HAAO: variants seen among roughly 807,000 people sequenced by gnomAD.
HAAO encodes 3-hydroxyanthranilate 3,4-dioxygenase, also known as 3-hydroxyanthranilate oxygenase.
In HAAO, 49 loss-of-function variants were observed where a neutral mutation model predicts 46.2. That is an observed-to-expected ratio of 1.06 (90% CI 0.84 to 1.34). The LOEUF is 1.34. HAAO is among the 40% of genes most tolerant of loss of function. The pLI, the probability that HAAO is intolerant of heterozygous loss-of-function variation, is 0.00. For synonymous variants in HAAO, 157 were observed against 145.2 expected (o/e 1.08, Z -0.58); for missense variants, 408 against 364.5 (o/e 1.12, Z -0.97).
intron 1 of HAAO, among the ~76,000 whole-genome samples, chr2:42,789,747 G>T (rs371611397): frequency 1.3e-5 from 2 of 152,084 alleles, no homozygotes; most frequent in African/African-American, 2.4e-5. Flanking sequence ...GGAACAAAAG[G>T]GTTCCCAAAC....
intron 4 of HAAO, among the ~76,000 whole-genome samples, chr2:42,780,457 C>T (rs1205244658): frequency 2.0e-5 from 3 of 151,800 alleles, no homozygotes; most frequent in Admixed American, 6.6e-5. Context: ...CCACCCGCCT[C>T]GGCTTCCCAA....
At chr2:42,782,449 T>C (rs1039332591) in intron 4 of HAAO, among the ~76,000 whole-genome samples, 10 of 152,206 alleles carry the variant, frequency 6.6e-5, no homozygotes, top group Admixed American at 5.2e-4. Flanking sequence ...ACTTGGGATC[T>C]ACCCGTCTAG....
intron 6 of HAAO, 101 bp downstream of exon 6, chr2:42,770,042 C>T (rs1396206061): frequency 2.5e-6 from 3 of 1,188,428 alleles, no homozygotes; most frequent in African/African-American, 1.5e-5. Flanking sequence ...GAGGACTGGG[C>T]AGAGTATTCA....
intron 4 of HAAO, among the ~76,000 whole-genome samples, chr2:42,775,531 T>G (rs1359231502): frequency 4.9e-5 from 3 of 60,706 alleles, no homozygotes; most frequent in South Asian, 1.2e-3. Flanking sequence ...ATCCAAGGGG[T>G]GTGTGTGTGT....
At chr2:42,769,588 T>TGTGTGTGTGA (rs1486862459) in intron 7 of HAAO, 125 bp downstream of exon 7, 41 of 674,300 alleles carry the variant, frequency 6.1e-5, no homozygotes, top group Non-Finnish European at 8.4e-5. Flanking sequence ...TGTGTGTGTG[T>TGTGTGTGTGA]GTGTGTGTGT....
rs552528464 is a variant in HAAO at position 42,778,213 on chromosome 2, A to T, written c.350+5101T>A. 1.1e-4 allele frequency among the ~76,000 whole-genome samples: 17 copies of T among 152,086 alleles called. No individual in the cohort carries two copies. In the East Asian group the frequency reaches 3.1e-3, roughly 28 times the overall value. ...TGCTTAGGAAAAAAACTGAGATTAA[A>T]TTTTTTCAAAAGTTAAGGTTATTAC... On this transcript the variant is annotated intron_variant, in intron 4 of 9. Coordinates refer to ENST00000294973, the MANE Select transcript of HAAO (RefSeq NM_012205.3).
chr2:42,783,985 T>C, intron 2 of HAAO, 118 bp from the exon 3 acceptor site: 1 of 1,512,152 alleles, frequency 6.6e-7, no homozygotes, highest in Non-Finnish European at 8.9e-7. Context: ...GCCTTGGAGT[T>C]GATGGGCAGC....
intron 4 of HAAO, among the ~76,000 whole-genome samples, chr2:42,780,671 C>CT: frequency 6.6e-6 from 1 of 152,028 alleles, no homozygotes; most frequent in South Asian, 2.1e-4. Context: ...CTAAAGTAAT[C>CT]TTTTTTACTT....
At position 42,767,118 on chromosome 2, in the gene HAAO, C is replaced by T. The variant is rs1450308569; in HGVS notation, c.*319G>A. On this transcript the variant is annotated 3_prime_UTR_variant, in exon 10 of 10. Transcript: ENST00000294973. Reference sequence around the variant, plus strand: ...TTCCTCAGGAAGCCTTTATTGAGGGCCTTCTTGGTGTGGAAGTGCTGCACT... The same window carrying T: ...TTCCTCAGGAAGCCTTTATTGAGGGTCTTCTTGGTGTGGAAGTGCTGCACT... 3 of 470,244 alleles carry T rather than the reference C, an allele frequency of 6.4e-6. No homozygotes were observed. Among genetic ancestry groups the T allele is most frequent in the South Asian group, 2.3e-5 (1 of 43,164 alleles). 29.1% of individuals were successfully genotyped at this position (470,244 alleles called of 1,614,324 possible). A position where few individuals can be genotyped will look rare whatever the true frequency, so the allele number is the denominator to read the frequency against.
intron 4 of HAAO, among the ~76,000 whole-genome samples, chr2:42,782,368 C>T (rs1236866051): frequency 6.6e-6 from 1 of 152,120 alleles, no homozygotes; most frequent in Non-Finnish European, 1.5e-5. Context: ...TGTTTTTCTC[C>T]CTTCCTCCCC....
intron 1 of HAAO, among the ~76,000 whole-genome samples, chr2:42,791,913 G>A (rs1672828182): frequency 3.9e-5 from 2 of 51,850 alleles, no homozygotes; most frequent in African/African-American, 2.0e-4. Context: ...GCCTAGGGAG[G>A]GTCTGGTGTG....
intron 3 of HAAO, 59 bp from the exon 4 acceptor site, chr2:42,783,479 G>A (rs757528483): frequency 8.1e-5 from 89 of 1,092,236 alleles, no homozygotes; most frequent in Middle Eastern, 2.4e-4. Flanking sequence ...AGACCTTAGC[G>A]CCCCCAACAT....
Position 42,777,319 on chromosome 2 carries a change from AAAAAG to A in HAAO, c.350+5990_350+5994del, listed in dbSNP as rs1282938304. On this transcript the variant is annotated intron_variant, in intron 4 of 9. Coordinates refer to ENST00000294973, the MANE Select transcript of HAAO (RefSeq NM_012205.3). ...CTCTTATCGCAAAAAAAAAAAAAAA[AAAAAG>A]AAGAAAGAAAAGAAGAAAAAGAATG... 6.6e-5 allele frequency among the ~76,000 whole-genome samples: 10 copies of A among 150,752 alleles called. No homozygotes were observed. The East Asian group carries it at 1.4e-3, about 20-fold the overall frequency.
intron 2 of HAAO, among the ~76,000 whole-genome samples, chr2:42,786,957 G>C (rs1367246155): frequency 2.0e-5 from 3 of 152,146 alleles, no homozygotes; most frequent in Admixed American, 6.5e-5. Context: ...CCAGGCTCCA[G>C]CTGGGTGAGG....
intron 7 of HAAO, 142 bp downstream of exon 7, chr2:42,769,569 ATG>A (rs35746707): frequency 0.011 from 6,575 of 586,378 alleles, 5 homozygotes; most frequent in East Asian, 0.017. Context: ...AACCTCTGAA[ATG>A]TGTGTGTGTG....
chr2:42,792,423 G>C (rs982538633), intron 1 of HAAO, 34 bp downstream of exon 1: 1 of 1,317,052 alleles, frequency 7.6e-7, no homozygotes, highest in Admixed American at 2.1e-5. Flanking sequence ...GAGGAGGCGA[G>C]GGCAGGGGGC....
At chr2:42,777,881 G>A (rs1008495599) in intron 4 of HAAO, among the ~76,000 whole-genome samples, 2 of 152,100 alleles carry the variant, frequency 1.3e-5, no homozygotes, top group Non-Finnish European at 2.9e-5. Context: ...TAAAGGTCAT[G>A]TATAAAACAA....
At chr2:42,782,002 T>C (rs1288400306) in intron 4 of HAAO, among the ~76,000 whole-genome samples, 2 of 152,230 alleles carry the variant, frequency 1.3e-5, no homozygotes, top group Non-Finnish European at 2.9e-5. Flanking sequence ...AATTATGTTT[T>C]GAAAACTATA....
chr2:42,777,844 A>C (rs377662325), intron 4 of HAAO, among the ~76,000 whole-genome samples: 1 of 152,082 alleles, frequency 6.6e-6, no homozygotes, highest in Non-Finnish European at 1.5e-5. Context: ...AAAAAAGTGA[A>C]CCATTTTATC....
Sources: gnomAD v4.1 joint callset for allele counts (sites outside exome capture counted in the v4.1 genomes callset) on GRCh38, gnomAD v4.1.1 for gene constraint, MANE v1.5 for transcripts, NCBI Gene and HGNC (gene_info 2026-07-23, HGNC 2026-07-21) for gene names.